The following FHIT variants were observed in gnomAD, a reference collection of about 807,000 sequenced individuals.
FHIT encodes the protein fragile histidine triad diadenosine triphosphatase.
A neutral mutation model predicts 17.9 loss-of-function variants in FHIT; 19 were observed. The observed-to-expected ratio is 1.06, with a 90% CI of 0.74 to 1.56. The LOEUF is 1.56. Ranked by LOEUF, FHIT falls within the 40% of genes most tolerant of loss-of-function variation. FHIT has a pLI of 0.00. For missense variants in FHIT, 248 were observed against 189.2 expected (o/e 1.31, Z -1.82); for synonymous variants, 81 against 69.7 (o/e 1.16, Z -0.81).
intron 4 of FHIT, among the ~76,000 whole-genome samples, chr3:60,573,426 A>G (rs868990670): frequency 1.3e-5 from 2 of 152,112 alleles, no homozygotes; most frequent in African/African-American, 2.4e-5. Context: ...TGGATCTCCA[A>G]ACTAAAAACT....
At chr3:60,322,652 T>C (rs982040490) in intron 5 of FHIT, among the ~76,000 whole-genome samples, 3 of 152,214 alleles carry the variant, frequency 2.0e-5, no homozygotes, top group African/African-American at 7.2e-5. Context: ...CCACCTTTCT[T>C]TGAAACCTGC....
At chr3:61,103,899 T>C (rs553580046) in intron 2 of FHIT, among the ~76,000 whole-genome samples, 1 of 152,016 alleles carries the variant, frequency 6.6e-6, no homozygotes, top group Non-Finnish European at 1.5e-5. Context: ...TTCTTTTTTT[T>C]TTTTCTTTCC....
intron 3 of FHIT, among the ~76,000 whole-genome samples, chr3:60,827,020 T>G (rs184131391): frequency 0.014 from 2,016 of 149,110 alleles, 42 homozygotes; most frequent in African/African-American, 0.047. Flanking sequence ...AAACTTTGCT[T>G]AAAAAAAAAA....
intron 5 of FHIT, among the ~76,000 whole-genome samples, chr3:60,126,469 C>T (rs1705555597): frequency 6.6e-6 from 1 of 152,216 alleles, no homozygotes; most frequent in Non-Finnish European, 1.5e-5. Flanking sequence ...GGAATTCTAA[C>T]TACTACCACT....
In FHIT at chr3:60,381,391, T is replaced by C. The variant is rs1160563313; in HGVS notation, c.103+155469A>G. 3.3e-5 allele frequency among the ~76,000 whole-genome samples: 5 copies of C among 151,932 alleles called. 1 individual carries two copies. Among genetic ancestry groups the C allele is most frequent in the Admixed American group, 2.0e-4 (3 of 15,240 alleles). On this transcript the variant is annotated intron_variant, in intron 5 of 9. Transcript: ENST00000492590. ...TACATGGGGGGCTAAGGCAGGAGAA[T>C]TGCTTGAACCTGGGAAGTGGAGATT...
intron 2 of FHIT, among the ~76,000 whole-genome samples, chr3:61,113,091 C>G (rs2036207038): frequency 6.6e-6 from 1 of 152,004 alleles, no homozygotes; most frequent in Non-Finnish European, 1.5e-5. Context: ...GCTGCCTTGA[C>G]TTCCCAAGCT....
intron 4 of FHIT, among the ~76,000 whole-genome samples, chr3:60,694,830 C>A (rs1553700242): frequency 6.6e-6 from 1 of 151,948 alleles, no homozygotes; most frequent in East Asian, 1.9e-4. Flanking sequence ...AACCAAACAC[C>A]ACATGTTCTC....
intron 5 of FHIT, among the ~76,000 whole-genome samples, chr3:60,432,796 C>T (rs753778074): frequency 1.9e-4 from 29 of 152,004 alleles, no homozygotes; most frequent in Non-Finnish European, 2.2e-4. Flanking sequence ...ATGTTGTCAC[C>T]TATTAACATC....
chr3:60,471,670 A>G (rs1197387235), intron 5 of FHIT, among the ~76,000 whole-genome samples: 2 of 152,168 alleles, frequency 1.3e-5, no homozygotes, highest in Admixed American at 6.5e-5. Flanking sequence ...TTAAAACCAG[A>G]TACTGCAATC....
At chr3:60,797,969 T>C (rs112100414) in intron 4 of FHIT, among the ~76,000 whole-genome samples, 44 of 152,282 alleles carry the variant, frequency 2.9e-4, no homozygotes, top group Middle Eastern at 3.4e-3. Context: ...TTGAGGAAAA[T>C]ATATTCAAAT....
intron 5 of FHIT, among the ~76,000 whole-genome samples, chr3:60,265,019 G>C (rs1439746323): frequency 2.0e-5 from 3 of 151,668 alleles, no homozygotes; most frequent in Non-Finnish European, 4.4e-5. Flanking sequence ...CCGGCTTGGG[G>C]GTGATATCAC....
chr3:61,071,895 A>G (rs1575960974), intron 2 of FHIT, among the ~76,000 whole-genome samples: 2 of 152,160 alleles, frequency 1.3e-5, no homozygotes, highest in East Asian at 3.9e-4. Flanking sequence ...AAATAGTCTC[A>G]ATGCAAATGT....
intron 4 of FHIT, among the ~76,000 whole-genome samples, chr3:60,698,528 T>C (rs2107902060): frequency 6.6e-6 from 1 of 152,290 alleles, no homozygotes; most frequent in East Asian, 1.9e-4. Flanking sequence ...GAAGAACCTT[T>C]TGTTAAACTA....
intron 3 of FHIT, among the ~76,000 whole-genome samples, chr3:60,878,885 A>C (rs1483757974): frequency 1.3e-5 from 2 of 152,166 alleles, no homozygotes; most frequent in African/African-American, 4.8e-5. Flanking sequence ...AATCCAGTCT[A>C]TCATTGTTGG....
chr3:60,628,433 A>G (rs2039351041), intron 4 of FHIT, among the ~76,000 whole-genome samples: 1 of 152,140 alleles, frequency 6.6e-6, no homozygotes, highest in Non-Finnish European at 1.5e-5. Context: ...TTTCTCTGAT[A>G]TTTCTGTTGT....
intron 5 of FHIT, among the ~76,000 whole-genome samples, chr3:60,103,832 T>C (rs573445169): frequency 6.6e-6 from 1 of 152,320 alleles, no homozygotes; most frequent in South Asian, 2.1e-4. Flanking sequence ...TTTTCCTTTG[T>C]GCTTTACTTG....
intron 5 of FHIT, among the ~76,000 whole-genome samples, chr3:60,208,366 A>C (rs1013084963): frequency 1.4e-5 from 2 of 145,908 alleles, no homozygotes. Flanking sequence ...GTACTCTGAA[A>C]TCACCTCCCC....
intron 7 of FHIT, among the ~76,000 whole-genome samples, chr3:59,936,611 A>C (rs17302126): frequency 0.037 from 5,573 of 152,196 alleles, 157 homozygotes; most frequent in Non-Finnish European, 0.058. Context: ...TCATTTCCAT[A>C]ATCTGTGCAT....
chr3:60,098,895 C>A (rs58256488), intron 5 of FHIT, among the ~76,000 whole-genome samples: 1 of 152,116 alleles, frequency 6.6e-6, no homozygotes, highest in Admixed American at 6.5e-5. Flanking sequence ...GGAGTCAGCA[C>A]CCCTAACCCC....
Sources: allele counts gnomAD v4.1 joint callset (sites outside exome capture counted in the v4.1 genomes callset), GRCh38; gene constraint gnomAD v4.1.1; transcripts MANE v1.5; gene names NCBI Gene and HGNC (gene_info 2026-07-23, HGNC 2026-07-21).